Variants in C8orf34 observed in about 807,000 individuals in gnomAD.
The protein encoded by C8orf34 is chromosome 8 open reading frame 34.
In C8orf34, 65 loss-of-function variants were observed where a neutral mutation model predicts 68.3. The ratio of observed to expected loss-of-function variants is 0.95; its 90% CI spans 0.78 to 1.17. The LOEUF is 1.17. C8orf34 is among the 50% of genes most tolerant of loss of function. The pLI, the probability that C8orf34 is intolerant of heterozygous loss-of-function variation, is 0.00. For missense variants in C8orf34, 664 were observed against 655.4 expected (o/e 1.01, Z -0.14); for synonymous variants, 244 against 241.2 (o/e 1.01, Z -0.11).
At chr8:68,782,402 C>T (rs2953951) in intron 11 of C8orf34, among the ~76,000 whole-genome samples, 70,951 of 150,510 alleles carry the variant, frequency 0.47, 19,367 homozygotes, top group African/African-American at 0.76. Context: ...CTGGTTTATA[C>T]CTAAATGGTA....
At chr8:68,431,268 C>T (rs1810440691) in intron 1 of C8orf34, among the ~76,000 whole-genome samples, 1 of 152,146 alleles carries the variant, frequency 6.6e-6, no homozygotes, top group African/African-American at 2.4e-5. Flanking sequence ...CTGAGCACCT[C>T]ATTTTAGGTA....
At chr8:68,637,100 A>G (rs1346098378) in intron 7 of C8orf34, among the ~76,000 whole-genome samples, 2 of 152,224 alleles carry the variant, frequency 1.3e-5, no homozygotes, top group African/African-American at 4.8e-5. Flanking sequence ...AGTATCAGCA[A>G]TGGTACATAT....
chr8:68,407,021 G>A (rs932445951), intron 1 of C8orf34, among the ~76,000 whole-genome samples: 2 of 152,124 alleles, frequency 1.3e-5, no homozygotes, highest in Admixed American at 6.6e-5. Context: ...TGAGCTACAC[G>A]CATACGATCT....
chr8:68,728,231 C>T (rs1821887196), intron 10 of C8orf34, among the ~76,000 whole-genome samples: 1 of 152,158 alleles, frequency 6.6e-6, no homozygotes, highest in African/African-American at 2.4e-5. Flanking sequence ...TAAAACATAA[C>T]AAGAGTCACC....
chr8:68,650,506 G>A (rs1383595247), intron 8 of C8orf34, among the ~76,000 whole-genome samples: 5 of 142,280 alleles, frequency 3.5e-5, no homozygotes, highest in African/African-American at 1.3e-4. Flanking sequence ...TTGAGACGGA[G>A]TCTCGCTCTG....
upstream of C8orf34, chr8:68,330,928 A>C: frequency 1.8e-6 from 2 of 1,095,180 alleles, no homozygotes; most frequent in Non-Finnish European, 2.4e-6. Flanking sequence ...CCCAGAGGAG[A>C]AAGGAACCTC....
At chr8:68,497,961 T>C (rs547946304) in intron 5 of C8orf34, among the ~76,000 whole-genome samples, 3 of 152,222 alleles carry the variant, frequency 2.0e-5, no homozygotes, top group Admixed American at 1.3e-4. Context: ...CCCGTGTAAC[T>C]GGGATTACAG....
At chr8:68,432,677 C>T (rs1294641037) in intron 1 of C8orf34, among the ~76,000 whole-genome samples, 2 of 152,036 alleles carry the variant, frequency 1.3e-5, no homozygotes, top group African/African-American at 4.8e-5. Flanking sequence ...AGATTTAGGG[C>T]AGGTGTGGAT....
chr8:68,792,571 C>CAAAAAAAAAAAAAAA (rs1162293308), intron 12 of C8orf34: 1 of 42,296 alleles, frequency 2.4e-5, no homozygotes, highest in African/African-American at 7.0e-5. Context: ...GACTCCATCT[C>CAAAAAAAAAAAAAAA]AAAAAAAAAA....
intron 7 of C8orf34, among the ~76,000 whole-genome samples, chr8:68,575,752 C>A (rs181681779): frequency 6.6e-6 from 1 of 151,812 alleles, no homozygotes; most frequent in South Asian, 2.1e-4. Flanking sequence ...AAGGGGCTTA[C>A]CTGCATTGAA....
At chr8:68,418,813 C>T (rs1809800671) in intron 1 of C8orf34, among the ~76,000 whole-genome samples, 1 of 151,996 alleles carries the variant, frequency 6.6e-6, no homozygotes, top group African/African-American at 2.4e-5. Flanking sequence ...TTCCTTACAC[C>T]TTATACAAAA....
At chr8:68,587,058 A>C (rs556896455) in intron 7 of C8orf34, among the ~76,000 whole-genome samples, 2 of 152,138 alleles carry the variant, frequency 1.3e-5, no homozygotes, top group East Asian at 3.9e-4. Flanking sequence ...GAATCCTCAG[A>C]CTCAGGTAAA....
At chr8:68,615,692 C>A (rs903126762) in intron 7 of C8orf34, among the ~76,000 whole-genome samples, 8 of 152,080 alleles carry the variant, frequency 5.3e-5, no homozygotes, top group African/African-American at 1.9e-4. Context: ...TTTAGTTTGC[C>A]AGTATTTTAT....
intron 9 of C8orf34, among the ~76,000 whole-genome samples, chr8:68,715,294 C>T (rs1821439751): frequency 6.6e-6 from 1 of 152,082 alleles, no homozygotes; most frequent in Admixed American, 6.6e-5. Context: ...AACTAAAAAG[C>T]TTCTGCACAG....
chr8:68,744,989 G>C (rs1822437375), intron 10 of C8orf34, among the ~76,000 whole-genome samples: 1 of 152,062 alleles, frequency 6.6e-6, no homozygotes, highest in Non-Finnish European at 1.5e-5. Context: ...AGAGAGAAAG[G>C]TCGGGTTACC....
At chr8:68,716,367 CAT>C (rs1821472470) in intron 9 of C8orf34, among the ~76,000 whole-genome samples, 2 of 151,978 alleles carry the variant, frequency 1.3e-5, no homozygotes, top group Non-Finnish European at 2.9e-5. Context: ...AATAGGGAAA[CAT>C]ATTTGCAATG....
intron 5 of C8orf34, among the ~76,000 whole-genome samples, chr8:68,518,961 T>C (rs1261532068): frequency 7.9e-5 from 12 of 151,940 alleles, no homozygotes; most frequent in Non-Finnish European, 1.5e-4. Context: ...AAATTGTGAT[T>C]GAAAGAACAG....
At position 68,521,847 on chromosome 8, in the gene C8orf34, G is replaced by T. The variant is rs1554571747; in HGVS notation, c.814G>T (p.Glu272Ter). The T allele has an allele frequency of 2.5e-6, 4 of 1,614,034 alleles. No individual in the cohort carries two copies. Among genetic ancestry groups the T allele is most frequent in the Non-Finnish European group, 3.4e-6 (4 of 1,179,964 alleles). The change falls in exon 6 of 14, where the codon GAA becomes TAA. Residue 272 changes from glutamate to a stop codon, truncating the protein, a stop_gained. Transcript: ENST00000518698. LOFTEE classifies it high-confidence loss of function. ...TCTTCTGAGGCCCCGTGTGATTGGAGAATGGATTGGTAGAGAAGAAAATGA... is the reference window on the plus strand; with the variant it reads ...TCTTCTGAGGCCCCGTGTGATTGGATAATGGATTGGTAGAGAAGAAAATGA... ...SSLLRPRVIG[E>*]WIGREENDAD...
At chr8:68,404,953 T>C (rs1204252926) in intron 1 of C8orf34, among the ~76,000 whole-genome samples, 1 of 152,204 alleles carries the variant, frequency 6.6e-6, no homozygotes, top group Non-Finnish European at 1.5e-5. Flanking sequence ...TAAATTACTT[T>C]GGGCAGTATG....
Sources: allele counts gnomAD v4.1 joint callset (sites outside exome capture counted in the v4.1 genomes callset), GRCh38; gene constraint gnomAD v4.1.1; transcripts MANE v1.5; gene names NCBI Gene and HGNC (gene_info 2026-07-23, HGNC 2026-07-21).